The following SH3GL2 variants were observed in gnomAD, a reference collection of about 807,000 sequenced individuals.
The protein encoded by SH3GL2 is endophilin-A1.
Under a neutral mutation model 46.0 loss-of-function variants are expected in SH3GL2, and 24 were observed. The ratio of observed to expected loss-of-function variants is 0.52; its 90% CI spans 0.38 to 0.73. The LOEUF is 0.73. SH3GL2 is among the 30% of genes least tolerant of loss of function. The pLI, the probability that SH3GL2 is intolerant of heterozygous loss-of-function variation, is 0.00. For missense variants in SH3GL2, 413 were observed against 424.2 expected (o/e 0.97, Z 0.23); for synonymous variants, 196 against 147.1 (o/e 1.33, Z -2.40).
chr9:17,707,645 A>G (rs1057097114), intron 1 of SH3GL2, among the ~76,000 whole-genome samples: 5 of 152,102 alleles, frequency 3.3e-5, no homozygotes, highest in African/African-American at 1.2e-4. Context: ...TCATTAACTG[A>G]TGTGAAAAAC....
chr9:17,740,055 G>A (rs1822479395), intron 1 of SH3GL2, among the ~76,000 whole-genome samples: 1 of 152,012 alleles, frequency 6.6e-6, no homozygotes, highest in Non-Finnish European at 1.5e-5. Flanking sequence ...TGTTCATCCT[G>A]TTGAATTCAT....
At chr9:17,663,201 T>C (rs1181045301) in intron 1 of SH3GL2, among the ~76,000 whole-genome samples, 2 of 152,236 alleles carry the variant, frequency 1.3e-5, no homozygotes, top group Non-Finnish European at 2.9e-5. Context: ...CTGTTTTAAA[T>C]AACAGATGGC....
chr9:17,669,401 T>C (rs990259567), intron 1 of SH3GL2, among the ~76,000 whole-genome samples: 4 of 152,210 alleles, frequency 2.6e-5, no homozygotes, highest in African/African-American at 9.6e-5. Context: ...ATCACTTATG[T>C]TGCTCTTTTA....
chr9:17,772,172 A>G (rs768324222), intron 3 of SH3GL2, among the ~76,000 whole-genome samples: 2 of 152,190 alleles, frequency 1.3e-5, no homozygotes, highest in Non-Finnish European at 2.9e-5. Flanking sequence ...AATGAAATGC[A>G]TGCTAAGATG....
intron 1 of SH3GL2, among the ~76,000 whole-genome samples, chr9:17,585,934 T>A (rs955724446): frequency 8.5e-5 from 13 of 152,212 alleles, no homozygotes; most frequent in Non-Finnish European, 1.8e-4. Context: ...TTAGAATTTA[T>A]TGTTTCCATA....
At chr9:17,593,696 G>A (rs1269387454) in intron 1 of SH3GL2, among the ~76,000 whole-genome samples, 3 of 152,148 alleles carry the variant, frequency 2.0e-5, no homozygotes, top group Non-Finnish European at 2.9e-5. Context: ...GAAAAAGGAA[G>A]GTCATTTGTT....
At chr9:17,778,654 G>C (rs1025894554) in intron 3 of SH3GL2, among the ~76,000 whole-genome samples, 21 of 152,068 alleles carry the variant, frequency 1.4e-4, no homozygotes, top group Non-Finnish European at 2.8e-4. Context: ...GTAGATTATA[G>C]GGGGCAAGCG....
At chr9:17,611,198 C>G (rs1818858304) in intron 1 of SH3GL2, among the ~76,000 whole-genome samples, 1 of 151,980 alleles carries the variant, frequency 6.6e-6, no homozygotes, top group Non-Finnish European at 1.5e-5. Flanking sequence ...TAAAGCCTAA[C>G]AATTATTTTA....
At chr9:17,754,958 C>G (rs1038622096) in intron 2 of SH3GL2, among the ~76,000 whole-genome samples, 5 of 152,122 alleles carry the variant, frequency 3.3e-5, no homozygotes, top group Non-Finnish European at 7.4e-5. Flanking sequence ...TCCTCTCTTC[C>G]TACTTGGATG....
chr9:17,705,050 CAAAAA>C (rs151216971), intron 1 of SH3GL2, among the ~76,000 whole-genome samples: 1 of 150,478 alleles, frequency 6.6e-6, no homozygotes, highest in Non-Finnish European at 1.5e-5. Flanking sequence ...AATTTACAAA[CAAAAA>C]AAAACCCCAT....
Position 17,611,921 on chromosome 9 carries a change from A to G in SH3GL2, c.45+32634A>G, listed in dbSNP as rs1818876137. On this transcript the variant is annotated intron_variant, in intron 1 of 8. Coordinates refer to ENST00000380607, the MANE Select transcript of SH3GL2 (RefSeq NM_003026.5). ...TCAACACTCTTTCCCACCATAAAGT[A>G]ATAGAATGCTTTATGGTTCTGTAAG... Among the ~76,000 whole-genome samples, 4 of 152,204 alleles carry G rather than the reference A, an allele frequency of 2.6e-5. No individual in the cohort carries two copies. In the South Asian group the frequency reaches 8.3e-4, roughly 32 times the overall value.
At chr9:17,634,860 C>A (rs1361156095) in intron 1 of SH3GL2, among the ~76,000 whole-genome samples, 1 of 152,060 alleles carries the variant, frequency 6.6e-6, no homozygotes, top group Non-Finnish European at 1.5e-5. Context: ...GTGGCAGGGC[C>A]CTGGATGGGG....
intron 5 of SH3GL2, among the ~76,000 whole-genome samples, chr9:17,788,028 T>A (rs1353401190): frequency 6.6e-6 from 1 of 152,190 alleles, no homozygotes; most frequent in Non-Finnish European, 1.5e-5. Flanking sequence ...ACTAGCCACT[T>A]TCTAAAACAT....
intron 1 of SH3GL2, among the ~76,000 whole-genome samples, chr9:17,632,923 G>A (rs1403324862): frequency 6.6e-6 from 1 of 152,174 alleles, no homozygotes; most frequent in African/African-American, 2.4e-5. Context: ...GATACTTATT[G>A]CTGAAACAAG....
At chr9:17,699,757 C>T (rs1821299957) in intron 1 of SH3GL2, among the ~76,000 whole-genome samples, 1 of 152,220 alleles carries the variant, frequency 6.6e-6, no homozygotes, top group Admixed American at 6.5e-5. Flanking sequence ...TTCTGTGTTA[C>T]ATAATATATC....
intron 1 of SH3GL2, among the ~76,000 whole-genome samples, chr9:17,656,160 TGATG>T (rs1025978730): frequency 1.3e-5 from 2 of 152,220 alleles, no homozygotes; most frequent in African/African-American, 4.8e-5. Flanking sequence ...TAAATTGTGT[TGATG>T]GATCAGTACA....
intron 1 of SH3GL2, among the ~76,000 whole-genome samples, chr9:17,700,908 G>A (rs951311385): frequency 1.3e-5 from 2 of 152,184 alleles, no homozygotes; most frequent in African/African-American, 2.4e-5. Context: ...AACCATATCA[G>A]AGTAGCAGAA....
chr9:17,614,226 G>A (rs1196788416), intron 1 of SH3GL2, among the ~76,000 whole-genome samples: 1 of 130,456 alleles, frequency 7.7e-6, no homozygotes, highest in Non-Finnish European at 1.6e-5. Flanking sequence ...TTCTTTCTCA[G>A]TCTTGACAAA....
chr9:17,664,285 A>G (rs1033067092), intron 1 of SH3GL2, among the ~76,000 whole-genome samples: 2 of 152,156 alleles, frequency 1.3e-5, no homozygotes, highest in Admixed American at 1.3e-4. Flanking sequence ...TCCTTTTATT[A>G]TTTCTCATAC....
Sources: gnomAD v4.1 joint callset for allele counts (sites outside exome capture counted in the v4.1 genomes callset) on GRCh38, gnomAD v4.1.1 for gene constraint, MANE v1.5 for transcripts, NCBI Gene and HGNC (gene_info 2026-07-23, HGNC 2026-07-21) for gene names.